TSPAN7: variants seen among roughly 807,000 people sequenced by gnomAD.
The protein encoded by TSPAN7 is tetraspanin-7.
Under a neutral mutation model 17.6 loss-of-function variants are expected in TSPAN7, and 1 was observed. The ratio of observed to expected loss-of-function variants is 0.06; its 90% CI spans 0.02 to 0.27. The LOEUF (loss-of-function observed/expected upper bound fraction) is 0.27, where lower values mean the gene tolerates loss of function less well. TSPAN7 is among the 10% of genes least tolerant of loss of function. The pLI, the probability that TSPAN7 is intolerant of heterozygous loss-of-function variation, is 1.00. For synonymous variants in TSPAN7, 78 were observed against 79.0 expected (o/e 0.99, Z 0.07); for missense variants, 112 against 201.7 (o/e 0.56, Z 2.69).
At chrX:38,646,207 A>C (rs1468718758) in intron 1 of TSPAN7, 2 of 1,067,740 alleles carry the variant, frequency 1.9e-6, no homozygotes, top group East Asian at 6.6e-5. Context: ...AAAAGTATAG[A>C]TCCAATACCA....
At position 38,687,978 on chromosome X, in the gene TSPAN7, G is replaced by A. The variant is rs2069935486; in HGVS notation, c.*47G>A. On this transcript the variant is annotated 3_prime_UTR_variant, in exon 8 of 8. Coordinates refer to ENST00000378482, the MANE Select transcript of TSPAN7 (RefSeq NM_004615.4). ...CGGAATAAGAGACCTGTTTTAAAAA[G>A]GAACTGCAGCAATCTTTGAAAGACT... 9.4e-6 allele frequency: 2 copies of A among 213,243 alleles called. No individual in the cohort carries two copies. Among genetic ancestry groups the A allele is most frequent in the Non-Finnish European group, 1.7e-5 (2 of 117,990 alleles). 17.6% of individuals were successfully genotyped at this position (213,243 alleles called of 1,213,427 possible).
chrX:38,573,661 C>A (rs1484746006), intron 1 of TSPAN7, among the ~76,000 whole-genome samples: 1 of 111,392 alleles, frequency 9.0e-6, no homozygotes, highest in East Asian at 2.8e-4. Context: ...TACAGGCTAC[C>A]CCATATTACA....
chrX:38,623,801 A>C (rs1178551308), intron 1 of TSPAN7, among the ~76,000 whole-genome samples: 1 of 107,918 alleles, frequency 9.3e-6, no homozygotes, highest in African/African-American at 3.4e-5. Flanking sequence ...CTTCCCTCAA[A>C]ACAAAACGAA....
At chrX:38,663,330 C>G (rs1286954164) in intron 1 of TSPAN7, among the ~76,000 whole-genome samples, 3 of 112,040 alleles carry the variant, frequency 2.7e-5, no homozygotes, top group African/African-American at 9.7e-5. Flanking sequence ...TGTTCTCACT[C>G]ATAAGTGGGA....
chrX:38,582,452 G>A (rs1482943343), intron 1 of TSPAN7, among the ~76,000 whole-genome samples: 1 of 112,127 alleles, frequency 8.9e-6, no homozygotes, highest in Non-Finnish European at 1.9e-5. Context: ...GTGGCAGAAG[G>A]AAGTGTTATA....
chrX:38,578,870 G>A (rs1163985270), intron 1 of TSPAN7, among the ~76,000 whole-genome samples: 1 of 110,367 alleles, frequency 9.1e-6, no homozygotes, highest in Non-Finnish European at 1.9e-5. Context: ...CATATGTATG[G>A]GTGTACATAT....
intron 1 of TSPAN7, among the ~76,000 whole-genome samples, chrX:38,599,919 A>G (rs1448247501): frequency 8.9e-6 from 1 of 111,953 alleles, no homozygotes; most frequent in Non-Finnish European, 1.9e-5. Flanking sequence ...CTTTTCTGCT[A>G]GAATCCTTGA....
At chrX:38,681,143 A>G (rs1398921173) in intron 5 of TSPAN7, 61 bp from the exon 6 acceptor site, 5 of 976,719 alleles carry the variant, frequency 5.1e-6, no homozygotes, top group Non-Finnish European at 7.3e-6. Context: ...TTTCGAGTAC[A>G]CATAGCCCAG....
chrX:38,676,534 T>A (rs183727068), intron 5 of TSPAN7, among the ~76,000 whole-genome samples: 30 of 112,410 alleles, frequency 2.7e-4, no homozygotes, highest in African/African-American at 8.7e-4. Context: ...TATAACTGCA[T>A]GTGAAGATTA....
chrX:38,581,229 A>G (rs1379345513), intron 1 of TSPAN7, among the ~76,000 whole-genome samples: 3 of 112,423 alleles, frequency 2.7e-5, no homozygotes, highest in African/African-American at 9.7e-5. Context: ...TCACTTTCAA[A>G]GGTTTGACTC....
intron 1 of TSPAN7, among the ~76,000 whole-genome samples, chrX:38,623,699 G>A (rs759031729): frequency 4.6e-5 from 5 of 107,686 alleles, no homozygotes; most frequent in South Asian, 4.4e-4. Flanking sequence ...CTGAAAACTC[G>A]TAGACTTTCT....
intron 3 of TSPAN7, among the ~76,000 whole-genome samples, chrX:38,672,108 G>A (rs1285717033): frequency 1.8e-5 from 2 of 110,852 alleles, no homozygotes; most frequent in East Asian, 5.7e-4. Flanking sequence ...TGTATAACAA[G>A]ATTTCTAAGA....
intron 1 of TSPAN7, among the ~76,000 whole-genome samples, chrX:38,639,604 G>C (rs1016933286): frequency 9.5e-6 from 1 of 105,596 alleles, no homozygotes; most frequent in African/African-American, 3.5e-5. Flanking sequence ...GCACATGGTT[G>C]TCTCTCTCTT....
intron 1 of TSPAN7, among the ~76,000 whole-genome samples, chrX:38,606,051 AT>A (rs2069380226): frequency 9.2e-6 from 1 of 109,257 alleles, no homozygotes; most frequent in East Asian, 2.9e-4. Context: ...AAAAGCCAAA[AT>A]TGACAAAAGG....
At chrX:38,608,019 G>A (rs756325012) in intron 1 of TSPAN7, among the ~76,000 whole-genome samples, 40 of 110,816 alleles carry the variant, frequency 3.6e-4, no homozygotes, top group Non-Finnish European at 6.4e-4. Context: ...CCCTGGTAGG[G>A]AAGGACCCCA....
intron 2 of TSPAN7, among the ~76,000 whole-genome samples, chrX:38,670,320 C>A (rs189127634): frequency 8.9e-6 from 1 of 111,733 alleles, no homozygotes; most frequent in African/African-American, 3.3e-5. Context: ...GGAATCAATT[C>A]TTGTTTTTAT....
chrX:38,567,034 G>A (rs1050943635), intron 1 of TSPAN7, among the ~76,000 whole-genome samples: 1 of 111,340 alleles, frequency 9.0e-6, no homozygotes, highest in Non-Finnish European at 1.9e-5. Flanking sequence ...AAATATCAGC[G>A]ATTTGTTTTT....
chrX:38,648,981 G>T (rs73198487), intron 1 of TSPAN7, among the ~76,000 whole-genome samples: 1,434 of 110,650 alleles, frequency 0.013, 23 homozygotes, highest in Non-Finnish European at 0.02. Context: ...GGTAAGGAGG[G>T]TCCCTGGTGT....
At chrX:38,573,714 T>A (rs1012171603) in intron 1 of TSPAN7, among the ~76,000 whole-genome samples, 2 of 111,740 alleles carry the variant, frequency 1.8e-5, no homozygotes, top group Non-Finnish European at 3.8e-5. Flanking sequence ...GCTGTGACAA[T>A]TTCTCAGACT....
Sources: gnomAD v4.1 joint callset for allele counts (sites outside exome capture counted in the v4.1 genomes callset) on GRCh38, gnomAD v4.1.1 for gene constraint, MANE v1.5 for transcripts, NCBI Gene and HGNC (gene_info 2026-07-23, HGNC 2026-07-21) for gene names.